TPPP3: variants seen among roughly 807,000 people sequenced by gnomAD.
TPPP3 encodes the protein tubulin polymerization-promoting protein family member 3.
Under a neutral mutation model 13.1 loss-of-function variants are expected in TPPP3, and 7 were observed. That is an observed-to-expected ratio of 0.54 (90% confidence interval 0.30 to 1.01). The LOEUF (loss-of-function observed/expected upper bound fraction) is 1.01. TPPP3 is among the 50% of genes least tolerant of loss of function. The pLI, the probability that TPPP3 is intolerant of heterozygous loss-of-function variation, is 0.06. For missense variants in TPPP3, 185 were observed against 235.0 expected (o/e 0.79, Z 1.39); for synonymous variants, 87 against 93.7 (o/e 0.93, Z 0.41).
In TPPP3 at chr16:67,390,658, G is replaced by C. The variant is rs201316210; in HGVS notation, c.189-26C>G. ...CTGACAGGCATGTGGGCACCATGAG[G>C]GTTCCCCTTTCTTTTTTCTCCCCCA... On this transcript the variant is annotated intron_variant, in intron 2 of 3. Coordinates refer to ENST00000393957, the MANE Select transcript of TPPP3 (RefSeq NM_015964.4). This position sits in a 1 kb window ranked among gnomAD's most constrained non-coding sequence, Gnocchi z 6.4. The C allele has an allele frequency of 2.1e-5, 34 of 1,586,794 alleles. No homozygotes were observed. Among genetic ancestry groups the C allele is most frequent in the Admixed American group, 3.7e-5 (2 of 54,132 alleles).
rs2040318492 is a variant in TPPP3 at position 67,390,836 on chromosome 16, T to C, written c.188+88A>G. ...GACCTTCGTGATCATGGTGTTTCCCTGACCCCTTCTTGATGTCCTCCCTGG... is the reference window on the plus strand; with the variant it reads ...GACCTTCGTGATCATGGTGTTTCCCCGACCCCTTCTTGATGTCCTCCCTGG... On this transcript the variant is annotated intron_variant, in intron 2 of 3. Transcript: ENST00000393957. This position sits in a 1 kb window ranked among gnomAD's most constrained non-coding sequence, Gnocchi z 6.4. 3 of 1,477,438 alleles carry C rather than the reference T, an allele frequency of 2.0e-6. No homozygotes were observed. Among genetic ancestry groups the C allele is most frequent in the Non-Finnish European group, 9.2e-7 (1 of 1,090,606 alleles). The allele number at this position is 1,477,438 out of a possible 1,614,324, so 91.5% of individuals were successfully genotyped here.
chr16:67,390,542 C>G lies in TPPP3; in HGVS notation c.279G>C (p.Glu93Asp). 6.2e-7 allele frequency: 1 copy of G among 1,614,056 alleles called. No homozygotes were observed. The highest frequency in any genetic ancestry group is 8.5e-7 in the Non-Finnish European group (1 of 1,180,034). ...GCTGGCAGATGGCATCGAAGGCCTC[C>G]TCCTTGCTCTTCCCCTTGAATCTCT... ...ATKRFKGKSK[E>D]EAFDAICQLV... The change falls in exon 3 of 4, where the codon GAG becomes GAC. Residue 93 changes from glutamate to aspartate, a missense_variant. Coordinates refer to ENST00000393957, the MANE Select transcript of TPPP3 (RefSeq NM_015964.4). This position sits in a 1 kb window ranked among gnomAD's most constrained non-coding sequence, Gnocchi z 6.4.
At position 67,392,940 on chromosome 16, in the gene TPPP3, C is replaced by T. The variant is rs1394771980; in HGVS notation, c.-7+440G>A. ...CAACCTCCCACCAGGGACCCCAAGA[C>T]CCGCACTTGGTTCACCAAGGGTAAC... On this transcript the variant is annotated intron_variant, in intron 1 of 3. Transcript: ENST00000393957. The surrounding 1 kb of genome is among the most constrained non-coding windows in gnomAD (Gnocchi z 4.9). 3 of 985,054 alleles carry T rather than the reference C, an allele frequency of 3.0e-6. No individual in the cohort carries two copies. Among genetic ancestry groups the T allele is most frequent in the African/African-American group, 1.7e-5 (1 of 57,232 alleles). 61.0% of individuals were successfully genotyped at this position (985,054 alleles called of 1,614,324 possible). A position where few individuals can be genotyped will look rare whatever the true frequency, so the allele number is the denominator to read the frequency against.
Position 67,391,143 on chromosome 16 carries a change from C to T in TPPP3, c.-6-26G>A. ...CTATAGAGACCCACCTGGGTCATCT[C>T]CCAGCCAATCTGCCCTTCCCCTCCC... On this transcript the variant is annotated intron_variant, in intron 1 of 3. Transcript: ENST00000393957. The surrounding 1 kb of genome is among the most constrained non-coding windows in gnomAD (Gnocchi z 6.3). 1 of 1,607,420 alleles carries T rather than the reference C, an allele frequency of 6.2e-7. No homozygotes were observed. The highest frequency in any genetic ancestry group is 8.5e-7 in the Non-Finnish European group (1 of 1,175,676).
In TPPP3 at chr16:67,393,084, G is replaced by GGC; in HGVS notation, c.-7+294_-7+295dup. ...CTTGGTCATCTCAGCGCGGTCAGGT[G>GGC]GCGCTGGGTTGCAGGCCGCAGCCCC... On this transcript the variant is annotated intron_variant, in intron 1 of 3. Transcript: ENST00000393957. This position sits in a 1 kb window ranked among gnomAD's most constrained non-coding sequence, Gnocchi z 5.4. 1 of 959,632 alleles carries GGC rather than the reference G, an allele frequency of 1.0e-6. No homozygotes were observed. Among genetic ancestry groups the GGC allele is most frequent in the African/African-American group, 1.8e-5 (1 of 56,886 alleles). The allele number at this position is 959,632 out of a possible 1,614,324, so 59.4% of individuals were successfully genotyped here.
chr16:67,391,007 C>A lies in TPPP3; in HGVS notation c.105G>T (p.Trp35Cys), dbSNP rs559771618. ...ASGQEMNGKN[W>C]AKLCKDCKVA... ...CCTTGCAGTCCTTGCACAGCTTGGC[C>A]CAGTTCTTGCCATTCATCTCTTGCC... is the stretch of plus-strand genomic sequence containing the variant. Residue 35 changes from tryptophan to cysteine, a missense_variant, in exon 2 of 4, where the codon TGG (tryptophan) becomes TGT (cysteine). Trp to Cys is a radical substitution (Grantham distance 215, BLOSUM62 -2). Coordinates refer to ENST00000393957, the MANE Select transcript of TPPP3 (RefSeq NM_015964.4). The surrounding 1 kb of genome is among the most constrained non-coding windows in gnomAD (Gnocchi z 6.3). 6.2e-7 allele frequency: 1 copy of A among 1,614,220 alleles called. No individual in the cohort carries two copies. Among genetic ancestry groups the A allele is most frequent in the African/African-American group, 1.3e-5 (1 of 75,048 alleles).
chr16:67,391,290 G>A lies in TPPP3; in HGVS notation c.-6-173C>T. On this transcript the variant is annotated intron_variant, in intron 1 of 3. Transcript: ENST00000393957. The surrounding 1 kb of genome is among the most constrained non-coding windows in gnomAD (Gnocchi z 6.3). ...CGTCACTGTCGCCCTGGGCCACAGA[G>A]CCCCAAGGAAGAGCCCCGGGAGGCA... 1 of 669,070 alleles carries A rather than the reference G, an allele frequency of 1.5e-6. No homozygotes were observed. The highest frequency in any genetic ancestry group is 2.5e-6 in the Non-Finnish European group (1 of 400,064). 41.4% of individuals were successfully genotyped at this position (669,070 alleles called of 1,614,324 possible).
Position 67,390,451 on chromosome 16 carries a change from G to T in TPPP3, c.342+28C>A. ...CACGATTCCCCACACCCCATTCCGT[G>T]GCCACCCGAGACCAGCAGGGCACTT... On this transcript the variant is annotated intron_variant, in intron 3 of 3. Transcript: ENST00000393957. The surrounding 1 kb of genome is among the most constrained non-coding windows in gnomAD (Gnocchi z 6.4). 1.2e-6 allele frequency: 2 copies of T among 1,611,292 alleles called. No individual in the cohort carries two copies. The highest frequency in any genetic ancestry group is 1.7e-6 in the Non-Finnish European group (2 of 1,178,396).
chr16:67,393,340 AT>A lies in TPPP3; in HGVS notation c.-7+39del, dbSNP rs1319704642. 4.1e-6 allele frequency: 4 copies of A among 985,292 alleles called. No homozygotes were observed. The highest frequency in any genetic ancestry group is 1.7e-5 in the African/African-American group (1 of 57,200). The allele number at this position is 985,292 out of a possible 1,614,324, so 61.0% of individuals were successfully genotyped here. On this transcript the variant is annotated intron_variant, in intron 1 of 3. Transcript: ENST00000393957. This position sits in a 1 kb window ranked among gnomAD's most constrained non-coding sequence, Gnocchi z 5.4. Reference sequence around the variant, plus strand: ...CCAACCCTCATCGTGCAGGATACTGATTGGGGTGGCGGGCATCTGGGTCTCC... The same window carrying A: ...CCAACCCTCATCGTGCAGGATACTGATGGGGTGGCGGGCATCTGGGTCTCC...
At position 67,390,077 on chromosome 16, in the gene TPPP3, G is replaced by A. The variant is rs777444648; in HGVS notation, c.*97C>T. The A allele has an allele frequency of 1.5e-6, 2 of 1,333,988 alleles. No homozygotes were observed. Among genetic ancestry groups the A allele is most frequent in the African/African-American group, 1.5e-5 (1 of 68,944 alleles). The allele number at this position is 1,333,988 out of a possible 1,614,324, so 82.6% of individuals were successfully genotyped here. On this transcript the variant is annotated 3_prime_UTR_variant, in exon 4 of 4. Coordinates refer to ENST00000393957, the MANE Select transcript of TPPP3 (RefSeq NM_015964.4). This position sits in a 1 kb window ranked among gnomAD's most constrained non-coding sequence, Gnocchi z 6.4. ...AAGCTCTGGGTGGCAGGTCCAGCAG[G>A]GAGGGGACCAGGATCTCTTGCTCCA...
Position 67,391,202 on chromosome 16 carries a change from C to A in TPPP3, c.-6-85G>T. 2 of 1,360,042 alleles carry A rather than the reference C, an allele frequency of 1.5e-6. No homozygotes were observed. Among genetic ancestry groups the A allele is most frequent in the Non-Finnish European group, 1.0e-6 (1 of 985,750 alleles). The allele number at this position is 1,360,042 out of a possible 1,614,324, so 84.2% of individuals were successfully genotyped here. A position where few individuals can be genotyped will look rare whatever the true frequency, so the allele number is the denominator to read the frequency against. ...AGAACATCCCAGCCTCTACCTCAAACCTGCAAGACCTGGGCAGGTTCTGCT... is the reference window on the plus strand; with the variant it reads ...AGAACATCCCAGCCTCTACCTCAAAACTGCAAGACCTGGGCAGGTTCTGCT... On this transcript the variant is annotated intron_variant, in intron 1 of 3. Coordinates refer to ENST00000393957, the MANE Select transcript of TPPP3 (RefSeq NM_015964.4). This position sits in a 1 kb window ranked among gnomAD's most constrained non-coding sequence, Gnocchi z 6.3.
rs1567511253 is a variant in TPPP3, at chr16:67,390,760, G to C, written c.189-128C>G. The C allele has an allele frequency of 3.4e-6, 5 of 1,462,790 alleles. No individual in the cohort carries two copies. Among genetic ancestry groups the C allele is most frequent in the Non-Finnish European group, 4.6e-6 (5 of 1,093,546 alleles). 90.6% of individuals were successfully genotyped at this position (1,462,790 alleles called of 1,614,324 possible). A position where few individuals can be genotyped will look rare whatever the true frequency, so the allele number is the denominator to read the frequency against. ...CTTTCCCACGTTTGGGGAAGTCGCAGGGGTCAGCAACTCTGGAGGGCAATA... is the reference window on the plus strand; with the variant it reads ...CTTTCCCACGTTTGGGGAAGTCGCACGGGTCAGCAACTCTGGAGGGCAATA... On this transcript the variant is annotated intron_variant, in intron 2 of 3. Coordinates refer to ENST00000393957, the MANE Select transcript of TPPP3 (RefSeq NM_015964.4). The surrounding 1 kb of genome is among the most constrained non-coding windows in gnomAD (Gnocchi z 6.4).
In TPPP3 at chr16:67,393,075, C is replaced by T. The variant is rs1235000027; in HGVS notation, c.-7+305G>A. On this transcript the variant is annotated intron_variant, in intron 1 of 3. Coordinates refer to ENST00000393957, the MANE Select transcript of TPPP3 (RefSeq NM_015964.4). The surrounding 1 kb of genome is among the most constrained non-coding windows in gnomAD (Gnocchi z 5.4). ...AGATGGATTCTTGGTCATCTCAGCG[C>T]GGTCAGGTGGCGCTGGGTTGCAGGC... 2 of 976,624 alleles carry T rather than the reference C, an allele frequency of 2.0e-6. No homozygotes were observed. Among genetic ancestry groups the T allele is most frequent in the Non-Finnish European group, 2.4e-6 (2 of 821,858 alleles). 60.5% of individuals were successfully genotyped at this position (976,624 alleles called of 1,614,324 possible).
chr16:67,393,351 G>A lies in TPPP3; in HGVS notation c.-7+29C>T. The A allele has an allele frequency of 2.0e-6, 2 of 985,592 alleles. No homozygotes were observed. Among genetic ancestry groups the A allele is most frequent in the Non-Finnish European group, 2.4e-6 (2 of 830,040 alleles). The allele number at this position is 985,592 out of a possible 1,614,324, so 61.1% of individuals were successfully genotyped here. On this transcript the variant is annotated intron_variant, in intron 1 of 3. Transcript: ENST00000393957. This position sits in a 1 kb window ranked among gnomAD's most constrained non-coding sequence, Gnocchi z 5.4. ...CGTGCAGGATACTGATTGGGGTGGC[G>A]GGCATCTGGGTCTCCTATGGGCTTC...
In TPPP3 at chr16:67,390,890, G is replaced by A. The variant is rs1322391449; in HGVS notation, c.188+34C>T. 1.2e-6 allele frequency: 2 copies of A among 1,600,804 alleles called. No homozygotes were observed. The highest frequency in any genetic ancestry group is 1.7e-6 in the Non-Finnish European group (2 of 1,170,862). On this transcript the variant is annotated intron_variant, in intron 2 of 3. Transcript: ENST00000393957. The surrounding 1 kb of genome is among the most constrained non-coding windows in gnomAD (Gnocchi z 6.4). ...CAGCCCCCCAGTTCCCCACCTCCTGGGAACATGAGAAGCAGGGGCTGCTTA... is the reference window on the plus strand; with the variant it reads ...CAGCCCCCCAGTTCCCCACCTCCTGAGAACATGAGAAGCAGGGGCTGCTTA...
In TPPP3 at chr16:67,392,635, G is replaced by A. The variant is rs1308702786; in HGVS notation, c.-7+745C>T. On this transcript the variant is annotated intron_variant, in intron 1 of 3. Transcript: ENST00000393957. This position sits in a 1 kb window ranked among gnomAD's most constrained non-coding sequence, Gnocchi z 4.9. ...CAGGTACTATGCGGAGATCCCCTGC[G>A]TAGAGACCTCCCCACCACATCCCCC... is the stretch of plus-strand genomic sequence containing the variant. 6.6e-6 allele frequency among the ~76,000 whole-genome samples: 1 copy of A among 151,964 alleles called. No individual in the cohort carries two copies. Among genetic ancestry groups the A allele is most frequent in the African/African-American group, 2.4e-5 (1 of 41,352 alleles).
In TPPP3 at chr16:67,390,483, A is replaced by G; in HGVS notation, c.338T>C (p.Val113Ala). Residue 113 changes from valine to alanine, a missense_variant, in exon 3 of 4, where the codon GTC becomes GCC. Transcript: ENST00000393957. This position sits in a 1 kb window ranked among gnomAD's most constrained non-coding sequence, Gnocchi z 6.4. ...VAGKEPANVG[V>A]TKAKTGGAVD... is the part of the protein sequence containing the mutation. Reference sequence around the variant, plus strand: ...CGAGACCAGCAGGGCACTTACAGTGACGCCCACATTGGCTGGCTCTTTGCC... The same window carrying G: ...CGAGACCAGCAGGGCACTTACAGTGGCGCCCACATTGGCTGGCTCTTTGCC... 6.2e-7 allele frequency: 1 copy of G among 1,613,284 alleles called. No individual in the cohort carries two copies. The highest frequency in any genetic ancestry group is 2.2e-5 in the East Asian group (1 of 44,840).
At position 67,391,133 on chromosome 16, in the gene TPPP3, T is replaced by G; in HGVS notation, c.-6-16A>C. ...CCATGCCACCCTATAGAGACCCACCTGGGTCATCTCCCAGCCAATCTGCCC... is the reference window on the plus strand; with the variant it reads ...CCATGCCACCCTATAGAGACCCACCGGGGTCATCTCCCAGCCAATCTGCCC... On this transcript the variant is annotated splice_polypyrimidine_tract_variant and intron_variant, in intron 1 of 3. Coordinates refer to ENST00000393957, the MANE Select transcript of TPPP3 (RefSeq NM_015964.4). The surrounding 1 kb of genome is among the most constrained non-coding windows in gnomAD (Gnocchi z 6.3). The G allele has an allele frequency of 6.2e-7, 1 of 1,611,342 alleles. No individual in the cohort carries two copies. Among genetic ancestry groups the G allele is most frequent in the Non-Finnish European group, 8.5e-7 (1 of 1,178,430 alleles).
chr16:67,393,367 T>TA lies in TPPP3; in HGVS notation c.-7+12dup. 1 of 985,622 alleles carries TA rather than the reference T, an allele frequency of 1.0e-6. No homozygotes were observed. The allele number at this position is 985,622 out of a possible 1,614,324, so 61.1% of individuals were successfully genotyped here. On this transcript the variant is annotated intron_variant, in intron 1 of 3. Transcript: ENST00000393957. The surrounding 1 kb of genome is among the most constrained non-coding windows in gnomAD (Gnocchi z 5.4). ...TGGGGTGGCGGGCATCTGGGTCTCC[T>TA]ATGGGCTTCTACCTCGCGGCTGCTC...
Sources: allele counts gnomAD v4.1 joint callset (sites outside exome capture counted in the v4.1 genomes callset), GRCh38; gene constraint gnomAD v4.1.1; non-coding constraint Gnocchi (gnomAD v3.1); transcripts MANE v1.5; gene names NCBI Gene and HGNC (gene_info 2026-07-23, HGNC 2026-07-21).